Variants in DHRSX observed in about 807,000 individuals in gnomAD.
DHRSX encodes polyprenol dehydrogenase.
DHRSX carries 31 observed loss-of-function variants against 34.0 expected under a neutral mutation model. The observed-to-expected ratio is 0.91, with a 90% CI of 0.69 to 1.23. The LOEUF (loss-of-function observed/expected upper bound fraction) is 1.23. DHRSX is among the 50% of genes most tolerant of loss of function. DHRSX has a pLI of 0.00. For missense variants in DHRSX, 414 were observed against 428.1 expected (o/e 0.97, Z 0.29); for synonymous variants, 201 against 183.8 (o/e 1.09, Z -0.76).
In DHRSX at chrX:2,310,058, C is replaced by T. The variant is rs778206523; in HGVS notation, c.287-18455G>A. On this transcript the variant is annotated intron_variant, in intron 3 of 6. Transcript: ENST00000334651. ...CCCCTGAATCCGTCTGCACCTGCCC[C>T]GTCCCTACGCATCCTAATAAATTCA... is the stretch of plus-strand genomic sequence containing the variant. 7.9e-5 allele frequency among the ~76,000 whole-genome samples: 12 copies of T among 152,266 alleles called. No individual in the cohort carries two copies. The East Asian group carries it at 1.9e-3, about 24-fold the overall frequency.
At chrX:2,485,751 G>A (rs61165447) in intron 1 of DHRSX, among the ~76,000 whole-genome samples, 1 of 73,118 alleles carries the variant, frequency 1.4e-5, no homozygotes, top group African/African-American at 7.2e-5. Context: ...AGAAGGGAGG[G>A]AAGGAAGGGA....
chrX:2,271,746 T>C (rs748537140), intron 4 of DHRSX, among the ~76,000 whole-genome samples: 13 of 152,150 alleles, frequency 8.5e-5, no homozygotes, highest in African/African-American at 2.9e-4. Flanking sequence ...TCAGGAGTTA[T>C]CCAGAAAAAA....
intron 5 of DHRSX, among the ~76,000 whole-genome samples, chrX:2,243,800 T>TTTTGTTTTG (rs1556430368): frequency 1.2e-5 from 1 of 80,600 alleles, no homozygotes; most frequent in African/African-American, 4.6e-5. Flanking sequence ...TTTTTTTTTT[T>TTTTGTTTTG]TTTTTTTTTT....
chrX:2,242,329 A>C (rs767633788), intron 6 of DHRSX, among the ~76,000 whole-genome samples: 72 of 146,356 alleles, frequency 4.9e-4, no homozygotes, highest in South Asian at 4.4e-3. Context: ...AGCGTCACCC[A>C]CCGAGCTCGC....
At chrX:2,284,984 T>C (rs2041787392) in intron 4 of DHRSX, among the ~76,000 whole-genome samples, 1 of 152,206 alleles carries the variant, frequency 6.6e-6, no homozygotes, top group Non-Finnish European at 1.5e-5. Context: ...TGGGGCTGTT[T>C]TCCATGAGAC....
chrX:2,389,518 G>A (rs746576469), intron 3 of DHRSX, among the ~76,000 whole-genome samples: 2 of 152,252 alleles, frequency 1.3e-5, no homozygotes, highest in South Asian at 4.1e-4. Flanking sequence ...GACACCCCAC[G>A]GGCTGTGTGC....
At chrX:2,264,630 G>A (rs2041416576) in intron 5 of DHRSX, among the ~76,000 whole-genome samples, 1 of 151,648 alleles carries the variant, frequency 6.6e-6, no homozygotes, top group African/African-American at 2.4e-5. Context: ...GCAGATGCAG[G>A]GAGCATCGTG....
In DHRSX at chrX:2,307,227, C is replaced by CA. The variant is rs746674801; in HGVS notation, c.287-15625dup. Among the ~76,000 whole-genome samples, 434 of 152,148 alleles carry CA rather than the reference C, an allele frequency of 2.9e-3. 1 individual carries two copies. Among genetic ancestry groups the CA allele is most frequent in the Non-Finnish European group, 5.0e-3 (337 of 67,992 alleles). ...AACACAGAAACGGAAAATTAAATAC[C>CA]ACTTGTTCTCAATTATACATAGGAG... On this transcript the variant is annotated intron_variant, in intron 3 of 6. Transcript: ENST00000334651.
At chrX:2,239,945 T>C (rs2016102081) in intron 6 of DHRSX, among the ~76,000 whole-genome samples, 1 of 152,146 alleles carries the variant, frequency 6.6e-6, no homozygotes, top group Non-Finnish European at 1.5e-5. Context: ...GAAATTCCTT[T>C]GCTTGAGGAA....
At chrX:2,490,412 T>G in intron 1 of DHRSX, 2 of 1,613,952 alleles carry the variant, frequency 1.2e-6, no homozygotes, top group Admixed American at 1.7e-5. Flanking sequence ...CCCGGGCTGC[T>G]GGGACGACTC....
intron 1 of DHRSX, among the ~76,000 whole-genome samples, chrX:2,472,770 A>AAAAT (rs967866171): frequency 5.3e-5 from 8 of 152,114 alleles, no homozygotes; most frequent in Non-Finnish European, 8.8e-5. Context: ...AATCATCTCA[A>AAAAT]AAATAAATAA....
chrX:2,386,164 T>A (rs1322306874), intron 3 of DHRSX, among the ~76,000 whole-genome samples: 2 of 69,216 alleles, frequency 2.9e-5, no homozygotes, highest in East Asian at 1.0e-3. Flanking sequence ...CAATTATTTA[T>A]TTATTTATTT....
rs190273137 is a variant in DHRSX at position 2,485,479 on chromosome X, A to G, written c.109+15338T>C. Among the ~76,000 whole-genome samples, 359 of 149,310 alleles carry G rather than the reference A, an allele frequency of 2.4e-3. 1 individual carries two copies. The highest frequency in any genetic ancestry group is 7.5e-3 in the African/African-American group (302 of 40,446). On this transcript the variant is annotated intron_variant, in intron 1 of 6. Coordinates refer to ENST00000334651, the MANE Select transcript of DHRSX (RefSeq NM_145177.3). ...GCCATTGTTTTCTCAGGAGGGAGGA[A>G]AAGAGGGAGGGAGGAAGGAAAAAGG...
At chrX:2,461,577 T>C (rs940489153) in intron 1 of DHRSX, among the ~76,000 whole-genome samples, 2 of 152,204 alleles carry the variant, frequency 1.3e-5, no homozygotes, top group Admixed American at 1.3e-4. Context: ...TCTCTCACTC[T>C]GGTGCCCAGG....
chrX:2,362,343 C>T (rs1365475625), intron 3 of DHRSX, among the ~76,000 whole-genome samples: 1 of 152,126 alleles, frequency 6.6e-6, no homozygotes, highest in East Asian at 1.9e-4. Flanking sequence ...CTCTGTTGAC[C>T]AGGTTGGAAT....
At chrX:2,495,056 T>C (rs978008686) in intron 1 of DHRSX, among the ~76,000 whole-genome samples, 34 of 151,348 alleles carry the variant, frequency 2.2e-4, no homozygotes, top group African/African-American at 8.2e-4. Context: ...GTCATTATTA[T>C]TATTATTGTT....
chrX:2,350,894 G>A (rs1442652584), intron 3 of DHRSX, among the ~76,000 whole-genome samples: 1 of 152,162 alleles, frequency 6.6e-6, no homozygotes. Context: ...GGAATACTAT[G>A]CAGCCATAAA....
intron 3 of DHRSX, among the ~76,000 whole-genome samples, chrX:2,345,629 T>TG (rs1406241907): frequency 7.4e-6 from 1 of 134,318 alleles, no homozygotes; most frequent in African/African-American, 2.9e-5. Flanking sequence ...TACCCCAGCC[T>TG]GGGCAACAAG....
chrX:2,317,441 CG>C (rs2042254603), intron 3 of DHRSX, among the ~76,000 whole-genome samples: 2 of 147,448 alleles, frequency 1.4e-5, no homozygotes, highest in Non-Finnish European at 3.0e-5. Context: ...TCAGTACAGA[CG>C]GGGTTTTGCC....
Sources: gnomAD v4.1 joint callset for allele counts (sites outside exome capture counted in the v4.1 genomes callset) on GRCh38, gnomAD v4.1.1 for gene constraint, MANE v1.5 for transcripts, NCBI Gene and HGNC (gene_info 2026-07-23, HGNC 2026-07-21) for gene names.